ACAD10: variants seen among roughly 807,000 people sequenced by gnomAD.
ACAD10 encodes the protein acyl-CoA dehydrogenase family member 10, also known as ACAD-10.
ACAD10 carries 112 observed loss-of-function variants against 116.8 expected under a neutral mutation model. That is an observed-to-expected ratio of 0.96 (90% CI 0.82 to 1.12). ACAD10 has a LOEUF of 1.12. Among genes scored for constraint, ACAD10 ranks in the 50% most tolerant of loss-of-function variants. The probability of loss-of-function intolerance (pLI) is 0.00; values close to 1 mark genes in which losing one functional copy is unlikely to be tolerated. For missense variants in ACAD10, 1,259 were observed against 1,350.2 expected, an observed-to-expected ratio of 0.93 and a Z score of 1.06; for synonymous variants, 486 against 510.6, an observed-to-expected ratio of 0.95 and a Z score of 0.65.
chr12:111,693,006 CCATGCTCTGGCTCTCGAGT>C (rs1477183136), intron 2 of ACAD10, 110 bp downstream of exon 2: 20 of 1,275,898 alleles, frequency 1.6e-5, no homozygotes, highest in Non-Finnish European at 2.2e-5. Flanking sequence ...TCCCAGCAGG[CCATGCTCTGGCTCTCGAGT>C]CGAATTCCAA....
At chr12:111,720,440 C>T (rs886688095) in intron 7 of ACAD10, among the ~76,000 whole-genome samples, 1 of 152,118 alleles carries the variant, frequency 6.6e-6, no homozygotes, top group Admixed American at 6.6e-5. Context: ...TAATTTTGAT[C>T]ATTTTTACTT....
intron 15 of ACAD10, 34 bp from the exon 16 acceptor site, chr12:111,747,261 T>C (rs751172679): frequency 6.2e-7 from 1 of 1,613,688 alleles, no homozygotes; most frequent in East Asian, 2.2e-5. Context: ...GGCTGTCTGC[T>C]GGCGTCTCTG....
At position 111,756,440 on chromosome 12, in the gene ACAD10, G is replaced by T. The variant is rs532624949; in HGVS notation, c.3147G>T (p.Thr1049=). The change falls in exon 21 of 21, where the codon ACG becomes ACT. Residue 1049 remains threonine (T), a synonymous_variant. Coordinates refer to ENST00000313698, the MANE Select transcript of ACAD10 (RefSeq NM_025247.6). The part of the protein sequence containing the change: ...ADGPDEVHRA[T]VAKLELKHRI ...GCCCTGACGAGGTGCACCGGGCCAC[G>T]GTGGCCAAGCTAGAGCTGAAGCACC... 1.4e-5 allele frequency: 23 copies of T among 1,612,600 alleles called. No individual in the cohort carries two copies. Among genetic ancestry groups the T allele is most frequent in the South Asian group, 3.3e-5 (3 of 90,956 alleles).
intron 10 of ACAD10, among the ~76,000 whole-genome samples, chr12:111,730,880 C>T (rs944825215): frequency 1.3e-5 from 2 of 151,940 alleles, no homozygotes; most frequent in Non-Finnish European, 1.5e-5. Flanking sequence ...GCCTCCCGAG[C>T]AGCTGGGATT....
chr12:111,747,689 C>T, intron 16 of ACAD10: 2 of 1,172,754 alleles, frequency 1.7e-6, no homozygotes, highest in East Asian at 5.0e-5. Flanking sequence ...CTTTGGGCAG[C>T]TCCCCTTCCT....
Position 111,727,960 on chromosome 12 carries a change from A to G in ACAD10, c.1062-2A>G, listed in dbSNP as rs2081018198. The G allele has an allele frequency of 6.2e-7, 1 of 1,607,628 alleles. No homozygotes were observed. The highest frequency in any genetic ancestry group is 8.5e-7 in the Non-Finnish European group (1 of 1,177,390). On this transcript the variant is annotated splice_acceptor_variant, in intron 8 of 20. Coordinates refer to ENST00000313698, the MANE Select transcript of ACAD10 (RefSeq NM_025247.6). LOFTEE classifies it high-confidence loss of function. ...CTGAAACCCCTTCTGTGTTCCTCCC[A>G]GTGTCATTGGCACCCCCTTCTATGT...
rs753626902 is a variant in ACAD10 at position 111,753,967 on chromosome 12, C to T, written c.2961+52C>T. On this transcript the variant is annotated intron_variant, in intron 19 of 20. Transcript: ENST00000313698. The stretch of plus-strand genomic sequence containing the variant: ...CCCAGAGGCAGAGATTCTTCCTCCT[C>T]ACTCAGCAAAGCATGAGAGCCTGGC... 3.9e-6 allele frequency: 6 copies of T among 1,542,538 alleles called. No individual in the cohort carries two copies. The East Asian group carries it at 1.4e-4, about 35-fold the overall frequency.
chr12:111,694,112 A>G (rs191486223), intron 2 of ACAD10, among the ~76,000 whole-genome samples: 304 of 151,946 alleles, frequency 2.0e-3, no homozygotes, highest in Non-Finnish European at 2.5e-3. Context: ...TCCTAAATCA[A>G]CCCAGGCACA....
chr12:111,717,476 G>A (rs1888878199), intron 7 of ACAD10, among the ~76,000 whole-genome samples: 1 of 151,794 alleles, frequency 6.6e-6, no homozygotes, highest in African/African-American at 2.4e-5. Flanking sequence ...TGCTGTTATT[G>A]CAGCTAATAA....
At chr12:111,698,605 G>T (rs1319052197) in intron 2 of ACAD10, among the ~76,000 whole-genome samples, 1 of 151,664 alleles carries the variant, frequency 6.6e-6, no homozygotes, top group African/African-American at 2.4e-5. Context: ...AGCCTCCTGA[G>T]TAGCTGGGAT....
chr12:111,692,702 G>A lies in ACAD10; in HGVS notation c.-8G>A. On this transcript the variant is annotated 5_prime_UTR_variant, in exon 2 of 21. Coordinates refer to ENST00000313698, the MANE Select transcript of ACAD10 (RefSeq NM_025247.6). ...TGTGCCTTCTTCCCACACAGCCTCA[G>A]CCTCACCATGTGTGTCAGGAGCTGT... 1.9e-6 allele frequency: 3 copies of A among 1,612,556 alleles called. No homozygotes were observed. The highest frequency in any genetic ancestry group is 2.5e-6 in the Non-Finnish European group (3 of 1,179,460).
At chr12:111,701,155 A>G (rs968340136) in intron 2 of ACAD10, among the ~76,000 whole-genome samples, 6 of 152,196 alleles carry the variant, frequency 3.9e-5, no homozygotes, top group Middle Eastern at 3.2e-3. Flanking sequence ...AAGGTGTTTT[A>G]ATTCCAAAAC....
At chr12:111,702,490 G>A (rs1173549879) in intron 3 of ACAD10, among the ~76,000 whole-genome samples, 180 bp downstream of exon 3, 2 of 152,250 alleles carry the variant, frequency 1.3e-5, no homozygotes, top group African/African-American at 4.8e-5. Context: ...CAGCACTTTG[G>A]GAGGCCCAGG....
At chr12:111,737,109 G>A (rs770379248) in intron 12 of ACAD10, 105 bp downstream of exon 12, 80 of 1,055,696 alleles carry the variant, frequency 7.6e-5, no homozygotes, top group Middle Eastern at 3.1e-4. Flanking sequence ...TGGAGAGACC[G>A]ATTTGGCCAG....
rs189884706 is a variant in ACAD10 at position 111,740,290 on chromosome 12, C to T, written c.1714+3286C>T. Among the ~76,000 whole-genome samples, 35 of 152,112 alleles carry T rather than the reference C, an allele frequency of 2.3e-4. No homozygotes were observed. The East Asian group carries it at 6.4e-3, about 28-fold the overall frequency. ...ACCCCTGGCCAACATGGTGAAACCC[C>T]GTCTCCACTAAAAATACAAAAATTG... On this transcript the variant is annotated intron_variant, in intron 12 of 20. Transcript: ENST00000313698.
At chr12:111,712,799 G>A (rs1039443839) in intron 6 of ACAD10, 142 bp downstream of exon 6, 43 of 927,486 alleles carry the variant, frequency 4.6e-5, no homozygotes, top group Non-Finnish European at 6.6e-5. Context: ...CTGGTGCATC[G>A]GAGCACTGCT....
rs748473787 is a variant in ACAD10 at position 111,747,082 on chromosome 12, A to G, written c.2290A>G (p.Met764Val). Reference sequence around the variant, plus strand: ...CTGCTCTGCGCCTGACACGGGCAACATGGAGCTGCTGGTGAGGTATGGCAC... The same window carrying G: ...CTGCTCTGCGCCTGACACGGGCAACGTGGAGCTGCTGGTGAGGTATGGCAC... ...CNCSAPDTGN[M>V]ELLVRYGTEA... The change falls in exon 15 of 21, where the codon ATG (methionine) becomes GTG (valine). Residue 764 changes from methionine (M) to valine (V), a missense_variant. Coordinates refer to ENST00000313698, the MANE Select transcript of ACAD10 (RefSeq NM_025247.6). 4 of 1,612,022 alleles carry G rather than the reference A, an allele frequency of 2.5e-6. No individual in the cohort carries two copies. In the Admixed American group the frequency reaches 5.0e-5, roughly 20 times the overall value.
In ACAD10 at chr12:111,709,476, G is replaced by A. The variant is rs776098922; in HGVS notation, c.532-50G>A. On this transcript the variant is annotated intron_variant, in intron 4 of 20. Transcript: ENST00000313698. ...CAAAAAGTTTACCAGCATGCATGTGGGAGCTCCACCTTTCGGGACATTCAT... is the reference window on the plus strand; with the variant it reads ...CAAAAAGTTTACCAGCATGCATGTGAGAGCTCCACCTTTCGGGACATTCAT... 4 of 1,453,202 alleles carry A rather than the reference G, an allele frequency of 2.8e-6. No homozygotes were observed. The African/African-American group carries it at 5.8e-5, about 21-fold the overall frequency. The allele number at this position is 1,453,202 out of a possible 1,614,324, so 90.0% of individuals were successfully genotyped here. A position where few individuals can be genotyped will look rare whatever the true frequency, so the allele number is the denominator to read the frequency against.
At chr12:111,689,224 A>G (rs1566137681) in intron 1 of ACAD10, among the ~76,000 whole-genome samples, 1 of 151,242 alleles carries the variant, frequency 6.6e-6, no homozygotes, top group Non-Finnish European at 1.5e-5. Context: ...ATATCAAATC[A>G]TATCCATATC....
Sources: allele counts gnomAD v4.1 joint callset (sites outside exome capture counted in the v4.1 genomes callset), GRCh38; gene constraint gnomAD v4.1.1; transcripts MANE v1.5; gene names NCBI Gene and HGNC (gene_info 2026-07-23, HGNC 2026-07-21).